MAGI2: variants seen among roughly 807,000 people sequenced by gnomAD.
MAGI2 encodes the protein membrane associated guanylate kinase, WW and PDZ domain containing 2, also known as membrane-associated guanylate kinase, WW and PDZ domain-containing protein 2.
A neutral mutation model predicts 133.3 loss-of-function variants in MAGI2; 35 were observed. The ratio of observed to expected loss-of-function variants is 0.26; its 90% CI spans 0.20 to 0.35. The LOEUF (loss-of-function observed/expected upper bound fraction) is 0.35, where lower values mean the gene tolerates loss of function less well. Among genes scored for constraint, MAGI2 ranks in the 10% least tolerant of loss-of-function variants. MAGI2 has a pLI of 1.00. For missense variants in MAGI2, 1,636 were observed against 1,863.4 expected (o/e 0.88, Z 2.25); for synonymous variants, 729 against 710.6 (o/e 1.03, Z -0.41).
chr7:79,388,996 C>G (rs1037258548), intron 1 of MAGI2, among the ~76,000 whole-genome samples: 2 of 151,806 alleles, frequency 1.3e-5, no homozygotes, highest in Non-Finnish European at 2.9e-5. Context: ...AATTCAGAAA[C>G]GTCAAAGTTT....
rs1849450206 is a variant in MAGI2 at position 79,453,602 on chromosome 7, T to C, written c.-282A>G. The C allele has an allele frequency of 2.9e-6, 3 of 1,038,494 alleles. No homozygotes were observed. Among genetic ancestry groups the C allele is most frequent in the Non-Finnish European group, 3.5e-6 (3 of 867,938 alleles). 64.3% of individuals were successfully genotyped at this position (1,038,494 alleles called of 1,614,324 possible). A position where few individuals can be genotyped will look rare whatever the true frequency, so the allele number is the denominator to read the frequency against. On this transcript the variant is annotated 5_prime_UTR_variant, in exon 1 of 22. Transcript: ENST00000354212. ...GGCCCCGCAGCAGAGGAAGCAGTGG[T>C]GGTGGCGTCGGCGGCGGCGGCGGCG...
intron 10 of MAGI2, among the ~76,000 whole-genome samples, chr7:78,212,673 C>T (rs1431070115): frequency 6.6e-6 from 1 of 152,178 alleles, no homozygotes; most frequent in Non-Finnish European, 1.5e-5. Context: ...GTAGCAGTAG[C>T]AAATCCATAT....
intron 2 of MAGI2, among the ~76,000 whole-genome samples, chr7:78,649,475 A>G (rs1287055658): frequency 6.6e-6 from 1 of 152,056 alleles, no homozygotes; most frequent in Non-Finnish European, 1.5e-5. Flanking sequence ...GCATGTGGAG[A>G]CAGCCGCTAA....
intron 3 of MAGI2, among the ~76,000 whole-genome samples, chr7:78,550,997 AG>A (rs1202172265): frequency 6.6e-6 from 1 of 152,176 alleles, no homozygotes; most frequent in Non-Finnish European, 1.5e-5. Context: ...AGACTGAAAT[AG>A]GGGAATAAAT....
intron 12 of MAGI2, among the ~76,000 whole-genome samples, chr7:78,192,420 T>A (rs947612580): frequency 1.3e-5 from 2 of 152,168 alleles, no homozygotes; most frequent in Admixed American, 6.5e-5. Flanking sequence ...AGACTGAGCT[T>A]TCCAATCATT....
chr7:78,070,192 T>TACACACACACAC (rs1301308044), intron 21 of MAGI2, among the ~76,000 whole-genome samples: 1 of 31,674 alleles, frequency 3.2e-5, no homozygotes, highest in African/African-American at 7.0e-5. Context: ...TATATATATA[T>TACACACACACAC]ATATATATAT....
chr7:78,063,639 T>C (rs139551215), intron 21 of MAGI2, among the ~76,000 whole-genome samples: 1 of 152,244 alleles, frequency 6.6e-6, no homozygotes, highest in African/African-American at 2.4e-5. Context: ...TCCCTGACTT[T>C]CCTTGAACCA....
chr7:79,235,895 G>T (rs999879299), intron 1 of MAGI2, among the ~76,000 whole-genome samples: 1 of 152,174 alleles, frequency 6.6e-6, no homozygotes, highest in Non-Finnish European at 1.5e-5. Context: ...TCGGGTTCTT[G>T]GCAGTACCAG....
intron 2 of MAGI2, among the ~76,000 whole-genome samples, chr7:78,641,592 T>C (rs900337765): frequency 6.6e-6 from 1 of 152,222 alleles, no homozygotes; most frequent in Admixed American, 6.5e-5. Context: ...ATCAACAAGA[T>C]GCAACTTCAG....
At chr7:78,608,426 T>C (rs939608086) in intron 3 of MAGI2, among the ~76,000 whole-genome samples, 1 of 151,580 alleles carries the variant, frequency 6.6e-6, no homozygotes, top group African/African-American at 2.4e-5. Context: ...TTGTGGCGAC[T>C]GAATGTGTGT....
intron 4 of MAGI2, among the ~76,000 whole-genome samples, chr7:78,513,016 A>G (rs981534728): frequency 6.6e-6 from 1 of 152,180 alleles, no homozygotes; most frequent in Non-Finnish European, 1.5e-5. Flanking sequence ...ATTCTTAACA[A>G]ACTTTGGGGT....
intron 21 of MAGI2, among the ~76,000 whole-genome samples, chr7:78,050,570 G>A (rs1198125518): frequency 6.6e-6 from 1 of 152,204 alleles, no homozygotes; most frequent in Non-Finnish European, 1.5e-5. Context: ...GTTCAGCTGA[G>A]AATATTGTAT....
intron 16 of MAGI2, among the ~76,000 whole-genome samples, chr7:78,145,263 T>C (rs1050831176): frequency 6.6e-6 from 1 of 152,194 alleles, no homozygotes; most frequent in Admixed American, 6.5e-5. Context: ...CATTAGGATT[T>C]TTGCTCCTTG....
intron 2 of MAGI2, among the ~76,000 whole-genome samples, chr7:78,853,285 C>T (rs1360639014): frequency 7.0e-6 from 1 of 143,202 alleles, no homozygotes; most frequent in African/African-American, 2.6e-5. Flanking sequence ...CTCCCATTAA[C>T]CCACCGTGTC....
chr7:78,258,978 A>T (rs1320348226), intron 9 of MAGI2, among the ~76,000 whole-genome samples: 1 of 152,138 alleles, frequency 6.6e-6, no homozygotes, highest in Admixed American at 6.6e-5. Context: ...GGTCACATTG[A>T]TTTACACTCT....
chr7:78,653,027 T>C (rs1360723080), intron 2 of MAGI2, among the ~76,000 whole-genome samples: 2 of 151,168 alleles, frequency 1.3e-5, no homozygotes, highest in East Asian at 1.9e-4. Context: ...AACAAACATA[T>C]GAAAAAAAGC....
Position 79,257,973 on chromosome 7 carries a change from C to T in MAGI2, c.301+195047G>A, listed in dbSNP as rs139723986. Among the ~76,000 whole-genome samples, 459 of 152,276 alleles carry T rather than the reference C, an allele frequency of 3.0e-3. 2 individuals are homozygous for T. The highest frequency in any genetic ancestry group is 4.9e-3 in the Non-Finnish European group (336 of 68,020). ...AGAGAACATATAAGATTAATCAGCT[C>T]CTTAATCATACATTTTGCCTGACCT... On this transcript the variant is annotated intron_variant, in intron 1 of 21. Coordinates refer to ENST00000354212, the MANE Select transcript of MAGI2 (RefSeq NM_012301.4).
chr7:78,711,261 C>A (rs1819158147), intron 2 of MAGI2, among the ~76,000 whole-genome samples: 1 of 151,908 alleles, frequency 6.6e-6, no homozygotes, highest in Non-Finnish European at 1.5e-5. Flanking sequence ...AGGTCTCAGA[C>A]TAAAGAGGTG....
At chr7:79,302,381 T>C (rs1837456021) in intron 1 of MAGI2, among the ~76,000 whole-genome samples, 2 of 152,178 alleles carry the variant, frequency 1.3e-5, no homozygotes, top group Non-Finnish European at 2.9e-5. Flanking sequence ...ACAGCTAACA[T>C]AGCAGCAGAC....
Sources: gnomAD v4.1 joint callset for allele counts (sites outside exome capture counted in the v4.1 genomes callset) on GRCh38, gnomAD v4.1.1 for gene constraint, MANE v1.5 for transcripts, NCBI Gene and HGNC (gene_info 2026-07-23, HGNC 2026-07-21) for gene names.